Variants in SLIT3 observed in about 807,000 individuals in gnomAD.
SLIT3 encodes the protein slit guidance ligand 3.
Under a neutral mutation model 184.0 loss-of-function variants are expected in SLIT3, and 68 were observed. That is an observed-to-expected ratio of 0.37 (90% CI 0.30 to 0.45). The LOEUF is 0.45. SLIT3 is among the 20% of genes least tolerant of loss of function. The pLI is 1.00. For missense variants in SLIT3, 1,707 were observed against 2,026.0 expected, an observed-to-expected ratio of 0.84 and a Z score of 3.02; for synonymous variants, 831 against 828.6, an observed-to-expected ratio of 1.00 and a Z score of -0.05.
At chr5:168,987,258 T>C (rs1755161910) in intron 4 of SLIT3, among the ~76,000 whole-genome samples, 2 of 152,192 alleles carry the variant, frequency 1.3e-5, no homozygotes, top group Non-Finnish European at 2.9e-5. Flanking sequence ...TCAGAGTCAC[T>C]CCCTGCTTTG....
chr5:168,973,531 C>CCA (rs1470417933), intron 4 of SLIT3, among the ~76,000 whole-genome samples: 1 of 152,186 alleles, frequency 6.6e-6, no homozygotes, highest in Non-Finnish European at 1.5e-5. Flanking sequence ...TAGGCGTGAG[C>CCA]CACCATGCCT....
At chr5:169,082,590 C>T (rs1025312928) in intron 4 of SLIT3, among the ~76,000 whole-genome samples, 1 of 152,208 alleles carries the variant, frequency 6.6e-6, no homozygotes, top group Non-Finnish European at 1.5e-5. Context: ...GTGTGTCTCT[C>T]TCTTTCTCTA....
At chr5:168,676,119 C>A (rs573131426) in intron 32 of SLIT3, among the ~76,000 whole-genome samples, 1 of 152,060 alleles carries the variant, frequency 6.6e-6, no homozygotes, top group African/African-American at 2.4e-5. Context: ...ATCCATCTAC[C>A]TATCCATCTC....
intron 4 of SLIT3, among the ~76,000 whole-genome samples, chr5:168,969,950 G>A (rs1754508269): frequency 1.3e-5 from 2 of 152,222 alleles, no homozygotes; most frequent in Non-Finnish European, 2.9e-5. Context: ...GGGAGGCCGA[G>A]GCCGGTGGAT....
At chr5:168,958,335 A>C (rs1191101532) in intron 4 of SLIT3, among the ~76,000 whole-genome samples, 1 of 152,152 alleles carries the variant, frequency 6.6e-6, no homozygotes, top group Non-Finnish European at 1.5e-5. Flanking sequence ...GCTTGAGGAA[A>C]CTGCATGGCA....
At chr5:168,674,978 G>A (rs1250273517) in intron 32 of SLIT3, among the ~76,000 whole-genome samples, 1 of 152,186 alleles carries the variant, frequency 6.6e-6, no homozygotes, top group Non-Finnish European at 1.5e-5. Context: ...CCGAGGCCCA[G>A]AGAGGTTAAG....
At chr5:168,820,558 G>A (rs932714764) in intron 7 of SLIT3, among the ~76,000 whole-genome samples, 8 of 152,330 alleles carry the variant, frequency 5.3e-5, no homozygotes, top group African/African-American at 1.9e-4. Context: ...AATTACGACT[G>A]ACAGGAGACT....
At chr5:169,270,298 C>T (rs936129676) in intron 1 of SLIT3, among the ~76,000 whole-genome samples, 5 of 152,186 alleles carry the variant, frequency 3.3e-5, no homozygotes, top group African/African-American at 7.2e-5. Flanking sequence ...AAATACATCA[C>T]GCTCCATATC....
intron 28 of SLIT3, among the ~76,000 whole-genome samples, chr5:168,694,929 T>G (rs1762008937): frequency 6.6e-6 from 1 of 152,214 alleles, no homozygotes; most frequent in South Asian, 2.1e-4. Flanking sequence ...CCACAGCAGA[T>G]TTCCATGCAC....
At chr5:168,941,905 G>A (rs1218433855) in intron 4 of SLIT3, among the ~76,000 whole-genome samples, 1 of 152,180 alleles carries the variant, frequency 6.6e-6, no homozygotes, top group East Asian at 1.9e-4. Context: ...CTTTGGACCC[G>A]TCTGTAACAT....
chr5:169,032,272 A>AT (rs375670284), intron 4 of SLIT3, among the ~76,000 whole-genome samples: 49 of 152,098 alleles, frequency 3.2e-4, no homozygotes, highest in African/African-American at 8.4e-4. Context: ...ATGAAAGAAC[A>AT]TTTTTTTTAT....
intron 4 of SLIT3, among the ~76,000 whole-genome samples, chr5:169,042,450 C>G (rs555244783): frequency 6.6e-6 from 1 of 152,210 alleles, no homozygotes; most frequent in Non-Finnish European, 1.5e-5. Flanking sequence ...TTATCAAAGA[C>G]GGATGTGCTA....
chr5:168,836,813 A>T (rs527426701), intron 6 of SLIT3, among the ~76,000 whole-genome samples: 8 of 152,322 alleles, frequency 5.3e-5, no homozygotes, highest in African/African-American at 1.9e-4. Flanking sequence ...CTCTTAACCC[A>T]GGAATGTACA....
chr5:168,805,453 T>C (rs1293002554), intron 9 of SLIT3, among the ~76,000 whole-genome samples: 1 of 152,144 alleles, frequency 6.6e-6, no homozygotes, highest in Admixed American at 6.5e-5. Flanking sequence ...AAGGGCTCCA[T>C]ATAATGATCT....
intron 4 of SLIT3, among the ~76,000 whole-genome samples, chr5:168,970,803 T>C (rs1754552135): frequency 6.6e-6 from 1 of 152,254 alleles, no homozygotes; most frequent in African/African-American, 2.4e-5. Flanking sequence ...CTGGCTATGT[T>C]ACCTTGGGCA....
intron 5 of SLIT3, 165 bp from the exon 6 acceptor site, chr5:168,844,820 C>T: frequency 1.6e-6 from 1 of 611,898 alleles, no homozygotes; most frequent in African/African-American, 1.8e-5. Flanking sequence ...TCCGTCTCTC[C>T]TCTCTGACTG....
At chr5:168,862,681 T>G (rs973465574) in intron 5 of SLIT3, among the ~76,000 whole-genome samples, 16 of 146,420 alleles carry the variant, frequency 1.1e-4, no homozygotes, top group South Asian at 2.1e-4. Context: ...GTTTGTTGTT[T>G]TTTTTTTTGT....
chr5:169,205,826 A>G (rs2113498461), intron 3 of SLIT3, among the ~76,000 whole-genome samples: 1 of 152,380 alleles, frequency 6.6e-6, no homozygotes, highest in South Asian at 2.1e-4. Context: ...GTTACTGAAC[A>G]GTCACAATCA....
intron 4 of SLIT3, among the ~76,000 whole-genome samples, chr5:169,040,679 C>T (rs1361146678): frequency 6.6e-6 from 1 of 152,222 alleles, no homozygotes; most frequent in African/African-American, 2.4e-5. Context: ...ATGGAACTGT[C>T]TTACCGATGT....
Sources: allele counts gnomAD v4.1 joint callset (sites outside exome capture counted in the v4.1 genomes callset), GRCh38; gene constraint gnomAD v4.1.1; transcripts MANE v1.5; gene names NCBI Gene and HGNC (gene_info 2026-07-23, HGNC 2026-07-21).